Variants in CDH8 observed in about 807,000 individuals in gnomAD.
CDH8 encodes the protein cadherin-8.
In CDH8, 17 loss-of-function variants were observed where a neutral mutation model predicts 68.1. That is an observed-to-expected ratio of 0.25 (90% CI 0.17 to 0.37). CDH8 has a LOEUF of 0.37. CDH8 is among the 10% of genes least tolerant of loss of function. The probability of loss-of-function intolerance (pLI) is 1.00; values close to 1 mark genes in which losing one functional copy is unlikely to be tolerated. For missense variants in CDH8, 763 were observed against 999.3 expected (o/e 0.76, Z 3.19); for synonymous variants, 372 against 365.1 (o/e 1.02, Z -0.21).
intron 1 of CDH8, among the ~76,000 whole-genome samples, chr16:62,026,283 C>T (rs1902196564): frequency 6.6e-6 from 1 of 152,204 alleles, no homozygotes; most frequent in South Asian, 2.1e-4. Context: ...AACGTGCATC[C>T]AAATTACCTG....
chr16:61,685,605 A>G (rs1216138342), intron 10 of CDH8, among the ~76,000 whole-genome samples: 1 of 152,040 alleles, frequency 6.6e-6, no homozygotes. Flanking sequence ...AAATAGAGAT[A>G]ATAATCAGTT....
At chr16:62,035,466 G>A (rs1902433402) in intron 1 of CDH8, among the ~76,000 whole-genome samples, 1 of 152,160 alleles carries the variant, frequency 6.6e-6, no homozygotes, top group Admixed American at 6.5e-5. Context: ...CAAGTTTGTA[G>A]CGGGCACCGC....
At chr16:61,721,728 AG>A (rs1340014801) in intron 9 of CDH8, among the ~76,000 whole-genome samples, 1 of 150,866 alleles carries the variant, frequency 6.6e-6, no homozygotes, top group Non-Finnish European at 1.5e-5. Flanking sequence ...ACACAGACAT[AG>A]GATTTCAAAG....
intron 2 of CDH8, among the ~76,000 whole-genome samples, chr16:61,941,234 A>G (rs1964719176): frequency 6.6e-6 from 1 of 152,250 alleles, no homozygotes; most frequent in Non-Finnish European, 1.5e-5. Flanking sequence ...TTCCGGAGAT[A>G]TGACCTAGAA....
chr16:62,035,724 G>A (rs937360900), intron 1 of CDH8, among the ~76,000 whole-genome samples: 4 of 152,122 alleles, frequency 2.6e-5, no homozygotes, highest in South Asian at 2.1e-4. Context: ...GCGCGCGGCT[G>A]CAGCCGCGCC....
At chr16:61,919,921 C>T (rs1411518468) in intron 2 of CDH8, among the ~76,000 whole-genome samples, 4 of 152,146 alleles carry the variant, frequency 2.6e-5, no homozygotes, top group African/African-American at 4.8e-5. Flanking sequence ...ATCAATGAAA[C>T]AGAACAGAGC....
chr16:61,920,006 G>C (rs1340776648), intron 2 of CDH8, among the ~76,000 whole-genome samples: 2 of 151,604 alleles, frequency 1.3e-5, no homozygotes, highest in African/African-American at 2.4e-5. Context: ...ATGGGGAAAG[G>C]ATTCCCTATT....
At chr16:61,989,565 T>G (rs1965682947) in intron 2 of CDH8, among the ~76,000 whole-genome samples, 1 of 152,148 alleles carries the variant, frequency 6.6e-6, no homozygotes, top group Non-Finnish European at 1.5e-5. Context: ...TGGAACATGT[T>G]TTTCAGATAC....
chr16:62,010,674 C>T (rs1169792826), intron 2 of CDH8, among the ~76,000 whole-genome samples: 1 of 152,066 alleles, frequency 6.6e-6, no homozygotes, highest in Non-Finnish European at 1.5e-5. Flanking sequence ...CACGGTGGCT[C>T]ACGCCTGAAA....
At chr16:61,982,264 G>C (rs888699338) in intron 2 of CDH8, among the ~76,000 whole-genome samples, 1 of 151,990 alleles carries the variant, frequency 6.6e-6, no homozygotes, top group Non-Finnish European at 1.5e-5. Context: ...CTATCGCCCA[G>C]GCTGGAGTGC....
intron 5 of CDH8, among the ~76,000 whole-genome samples, chr16:61,821,882 C>A: frequency 6.6e-6 from 1 of 151,888 alleles, no homozygotes; most frequent in East Asian, 1.9e-4. Context: ...CAATCATAAC[C>A]CCCGGCCATT....
chr16:61,773,237 A>G (rs185284424), intron 8 of CDH8, among the ~76,000 whole-genome samples: 1 of 152,086 alleles, frequency 6.6e-6, no homozygotes, highest in African/African-American at 2.4e-5. Context: ...ATCTTCACAG[A>G]GAACACTGTC....
chr16:61,915,527 C>G (rs567070704), intron 2 of CDH8, among the ~76,000 whole-genome samples: 2 of 152,142 alleles, frequency 1.3e-5, no homozygotes, highest in Admixed American at 1.3e-4. Context: ...TTCAACATTA[C>G]GCACCAGAAC....
chr16:61,675,618 TAAAAAAAATA>T (rs1221264719), intron 10 of CDH8, among the ~76,000 whole-genome samples: 4 of 82,396 alleles, frequency 4.9e-5, no homozygotes, highest in African/African-American at 2.8e-4. Flanking sequence ...ATAAAAAAAA[TAAAAAAAATA>T]AAAAAAAATA....
chr16:61,689,561 T>C (rs906413221), intron 10 of CDH8, among the ~76,000 whole-genome samples: 2 of 151,970 alleles, frequency 1.3e-5, no homozygotes, highest in East Asian at 1.9e-4. Flanking sequence ...CCTCACCATG[T>C]CTTAAATTCT....
intron 2 of CDH8, among the ~76,000 whole-genome samples, chr16:61,956,798 G>A (rs894558126): frequency 6.6e-6 from 1 of 152,156 alleles, no homozygotes; most frequent in African/African-American, 2.4e-5. Flanking sequence ...GGCACCCTCA[G>A]GGATGGACTT....
intron 9 of CDH8, among the ~76,000 whole-genome samples, chr16:61,721,889 A>G (rs959101386): frequency 6.6e-6 from 1 of 150,746 alleles, no homozygotes. Context: ...TTTTATATCT[A>G]TAACATGTGG....
intron 2 of CDH8, among the ~76,000 whole-genome samples, chr16:61,960,288 TATATACGTGTGTGTGTATACAC>T (rs1965114642): frequency 3.0e-5 from 3 of 99,900 alleles, no homozygotes; most frequent in Admixed American, 2.8e-4. Context: ...TATACACACA[TATATACGTGTGTGTGTATACAC>T]ACATATATAC....
chr16:61,777,638 G>A (rs1431436111), intron 8 of CDH8, among the ~76,000 whole-genome samples: 2 of 152,140 alleles, frequency 1.3e-5, no homozygotes, highest in Non-Finnish European at 2.9e-5. Flanking sequence ...AGAGGTGGTG[G>A]GAGAAAATTA....
Sources: gnomAD v4.1 joint callset for allele counts (sites outside exome capture counted in the v4.1 genomes callset) on GRCh38, gnomAD v4.1.1 for gene constraint, MANE v1.5 for transcripts, NCBI Gene and HGNC (gene_info 2026-07-23, HGNC 2026-07-21) for gene names.